The following ITLN1 variants were observed in gnomAD, a reference collection of about 807,000 sequenced individuals.
The protein encoded by ITLN1 is intelectin-1.
Under a neutral mutation model 36.2 loss-of-function variants are expected in ITLN1, and 29 were observed. That is an observed-to-expected ratio of 0.80 (90% CI 0.60 to 1.09). The LOEUF (loss-of-function observed/expected upper bound fraction) is 1.09. Ranked by LOEUF, ITLN1 falls within the 50% of genes least tolerant of loss-of-function variation. The pLI is 0.00. For missense variants in ITLN1, 358 were observed against 405.2 expected, an observed-to-expected ratio of 0.88 and a Z score of 1.00; for synonymous variants, 143 against 146.5, an observed-to-expected ratio of 0.98 and a Z score of 0.17.
rs61734482 is a variant in ITLN1 at position 160,881,265 on chromosome 1, G to A, written c.453C>T (p.His151=). The change falls in exon 5 of 8, where the codon CAC becomes CAT. Residue 151 remains histidine (H), a synonymous_variant. Coordinates refer to ENST00000326245, the MANE Select transcript of ITLN1 (RefSeq NM_017625.3). ...GCTGCATGGGGGACTTATTGGGCAC[G>A]TGCCAGATGCCCAGGTCCTTGGCCT... ...DIQAKDLGIW[H]VPNKSPMQHW... The A allele has an allele frequency of 2.1e-3, 3,338 of 1,611,772 alleles. 57 individuals carry two copies. The African/African-American group carries it at 0.039, about 19-fold the overall frequency.
intron 5 of ITLN1, 49 bp from the exon 6 acceptor site, chr1:160,880,757 A>C: frequency 1.2e-6 from 2 of 1,602,820 alleles, no homozygotes; most frequent in African/African-American, 2.7e-5. Context: ...TAGCTTTGCC[A>C]TTACCAGCAT....
At chr1:160,884,598 C>A (rs970881195) in intron 2 of ITLN1, among the ~76,000 whole-genome samples, 2 of 152,152 alleles carry the variant, frequency 1.3e-5, no homozygotes, top group Admixed American at 1.3e-4. Flanking sequence ...GCCACAGCCC[C>A]CTCAGGGCCA....
intron 6 of ITLN1, 91 bp downstream of exon 6, chr1:160,880,497 C>A: frequency 7.3e-7 from 1 of 1,377,260 alleles, no homozygotes; most frequent in Non-Finnish European, 1.0e-6. Flanking sequence ...CAGGAGAGAA[C>A]CAAGCTTCAG....
In ITLN1 at chr1:160,884,852, A is replaced by G. The variant is rs1316666355; in HGVS notation, c.26T>C (p.Phe9Ser). 2 of 1,613,240 alleles carry G rather than the reference A, an allele frequency of 1.2e-6. No homozygotes were observed. The highest frequency in any genetic ancestry group is 1.7e-5 in the Admixed American group (1 of 59,990). The change falls in exon 2 of 8, where the codon TTT (phenylalanine) becomes TCT (serine). Residue 9 changes from phenylalanine (F) to serine (S), a missense_variant. Coordinates refer to ENST00000326245, the MANE Select transcript of ITLN1 (RefSeq NM_017625.3). MNQLSFLLFLIATTRGWST... is the reference protein window; with the variant it reads MNQLSFLLSLIATTRGWST... ...CCATCCTCTGGTGGTCGCTATGAGA[A>G]ACAGCAGGAAGCTGAGTTGGTTCAT...
rs1302571544 is a variant in ITLN1, at chr1:160,885,126, C to T, written c.-72G>A. 9.4e-6 allele frequency: 4 copies of T among 424,996 alleles called. No individual in the cohort carries two copies. The highest frequency in any genetic ancestry group is 1.7e-5 in the Non-Finnish European group (4 of 232,030). 26.3% of individuals were successfully genotyped at this position (424,996 alleles called of 1,614,324 possible). On this transcript the variant is annotated 5_prime_UTR_variant, in exon 1 of 8. Transcript: ENST00000326245. ...GCTCCTTCACTCCCTCCCTCCACTG[C>T]GCCCTGGAGCTCAACAGAGTGCAGC...
At chr1:160,881,427 G>A in intron 4 of ITLN1, 115 bp from the exon 5 acceptor site, 2 of 1,246,808 alleles carry the variant, frequency 1.6e-6, no homozygotes, top group Non-Finnish European at 2.2e-6. Context: ...TGAGCAGATG[G>A]CCAACCATAC....
At chr1:160,880,345 G>T (rs1443584810) in intron 6 of ITLN1, among the ~76,000 whole-genome samples, 1 of 151,390 alleles carries the variant, frequency 6.6e-6, no homozygotes, top group Non-Finnish European at 1.5e-5. Context: ...CCTCACCCCA[G>T]TTGCTGATTC....
rs1485674392 is a variant in ITLN1, at chr1:160,881,376, CAT to C, written c.406-66_406-65del. ...GGTCCCAGGAGGCAGAAGGTCCACACATGCAACTTCAGCTGGACTGTGAGAGC... is the reference window on the plus strand; with the variant it reads ...GGTCCCAGGAGGCAGAAGGTCCACACGCAACTTCAGCTGGACTGTGAGAGC... On this transcript the variant is annotated intron_variant, in intron 4 of 7. Coordinates refer to ENST00000326245, the MANE Select transcript of ITLN1 (RefSeq NM_017625.3). 6.7e-6 allele frequency: 10 copies of C among 1,496,358 alleles called. 1 individual carries two copies. In the African/African-American group the frequency reaches 1.4e-4, roughly 21 times the overall value. The allele number at this position is 1,496,358 out of a possible 1,614,324, so 92.7% of individuals were successfully genotyped here.
Position 160,876,544 on chromosome 1 carries a change from G to T in ITLN1, c.*120C>A. ...AATTCACAGAAACACCAAGCCTTGA[G>T]TCAATATGATTTATTGTTTTCTCTT... On this transcript the variant is annotated 3_prime_UTR_variant, in exon 8 of 8. Transcript: ENST00000326245. The T allele has an allele frequency of 9.3e-7, 1 of 1,071,796 alleles. No homozygotes were observed. The highest frequency in any genetic ancestry group is 1.4e-6 in the Non-Finnish European group (1 of 735,282). 66.4% of individuals were successfully genotyped at this position (1,071,796 alleles called of 1,614,324 possible). A position where few individuals can be genotyped will look rare whatever the true frequency, so the allele number is the denominator to read the frequency against.
chr1:160,880,660 G>T lies in ITLN1; in HGVS notation c.613C>A (p.Pro205Thr), dbSNP rs1267297590. ...GEGKCWTDNGPVIPVVYDFGD... is the reference protein window; with the variant it reads ...GEGKCWTDNGTVIPVVYDFGD... ...AAATCATAGACCACAGGGATCACCG[G>T]GCCGTTGTCAGTCCAACACTTTCCT... The change falls in exon 6 of 8, where the codon CCG becomes ACG. Residue 205 changes from proline (P) to threonine (T), a missense_variant. Pro to Thr is a conservative substitution (Grantham distance 38). Coordinates refer to ENST00000326245, the MANE Select transcript of ITLN1 (RefSeq NM_017625.3). 6.2e-7 allele frequency: 1 copy of T among 1,614,040 alleles called. No homozygotes were observed. The highest frequency in any genetic ancestry group is 8.5e-7 in the Non-Finnish European group (1 of 1,179,938).
intron 3 of ITLN1, among the ~76,000 whole-genome samples, chr1:160,882,692 A>G (rs1456447197): frequency 2.0e-5 from 3 of 152,218 alleles, no homozygotes; most frequent in African/African-American, 7.2e-5. Context: ...ACAAACCCTC[A>G]AAACACTGTG....
At chr1:160,880,787 C>T (rs934293194) in intron 5 of ITLN1, 79 bp from the exon 6 acceptor site, 3 of 1,487,698 alleles carry the variant, frequency 2.0e-6, no homozygotes, top group Non-Finnish European at 2.8e-6. Context: ...TGCTGCCATT[C>T]ATAGAGGAGA....
intron 1 of ITLN1, 89 bp from the exon 2 acceptor site, chr1:160,884,972 A>C: frequency 1.3e-6 from 1 of 790,438 alleles, no homozygotes; most frequent in Non-Finnish European, 2.2e-6. Flanking sequence ...CAAAGACTCC[A>C]AAACCCCTTG....
At chr1:160,878,414 C>G (rs1670626666) in intron 7 of ITLN1, among the ~76,000 whole-genome samples, 1 of 147,596 alleles carries the variant, frequency 6.8e-6, no homozygotes, top group African/African-American at 2.6e-5. Flanking sequence ...GAGACAGGGT[C>G]TCACTCTGTC....
At position 160,876,685 on chromosome 1, in the gene ITLN1, A is replaced by G. The variant is rs1227625754; in HGVS notation, c.921T>C (p.Ala307=). ...YSSSREITEA[A]VLLFYR ...ACTCTCAACGATAGAATAGAAGCACAGCTGCCTCAGTTATCTCACGGCTGC... is the reference window on the plus strand; with the variant it reads ...ACTCTCAACGATAGAATAGAAGCACGGCTGCCTCAGTTATCTCACGGCTGC... Residue 307 remains alanine (A), a synonymous_variant, in exon 8 of 8, where the codon GCT becomes GCC. Coordinates refer to ENST00000326245, the MANE Select transcript of ITLN1 (RefSeq NM_017625.3). 6.2e-7 allele frequency: 1 copy of G among 1,614,238 alleles called. No homozygotes were observed. Among genetic ancestry groups the G allele is most frequent in the South Asian group, 1.1e-5 (1 of 91,086 alleles).
intron 1 of ITLN1, 49 bp downstream of exon 1, chr1:160,885,012 G>T (rs894677141): frequency 4.8e-6 from 3 of 627,282 alleles, no homozygotes; most frequent in Admixed American, 4.9e-5. Context: ...ACATCTCTGA[G>T]ACCAAAAGCA....
intron 7 of ITLN1, among the ~76,000 whole-genome samples, chr1:160,877,940 G>A (rs975200208): frequency 2.0e-5 from 3 of 152,248 alleles, no homozygotes; most frequent in East Asian, 3.9e-4. Context: ...AAGCTGAGGC[G>A]GGTAGATCAC....
chr1:160,878,294 C>T (rs1670623384), intron 7 of ITLN1, among the ~76,000 whole-genome samples: 2 of 152,122 alleles, frequency 1.3e-5, no homozygotes, highest in Admixed American at 6.5e-5. Flanking sequence ...AAGCCGAAGC[C>T]GCTATACTTA....
chr1:160,876,559 T>A lies in ITLN1; in HGVS notation c.*105A>T, dbSNP rs1670589814. 5.1e-6 allele frequency: 6 copies of A among 1,174,942 alleles called. No homozygotes were observed. 72.8% of individuals were successfully genotyped at this position (1,174,942 alleles called of 1,614,324 possible). On this transcript the variant is annotated 3_prime_UTR_variant, in exon 8 of 8. Coordinates refer to ENST00000326245, the MANE Select transcript of ITLN1 (RefSeq NM_017625.3). ...CAAGCCTTGAGTCAATATGATTTAT[T>A]GTTTTCTCTTCTGCCATTAACATTC...
Sources: gnomAD v4.1 joint callset for allele counts (sites outside exome capture counted in the v4.1 genomes callset) on GRCh38, gnomAD v4.1.1 for gene constraint, MANE v1.5 for transcripts, NCBI Gene and HGNC (gene_info 2026-07-23, HGNC 2026-07-21) for gene names.